Variants in SFXN5 observed in about 807,000 individuals in gnomAD.
The protein encoded by SFXN5 is sideroflexin-5.
A neutral mutation model predicts 50.2 loss-of-function variants in SFXN5; 43 were observed. The ratio of observed to expected loss-of-function variants is 0.86; its 90% confidence interval spans 0.67 to 1.11. The LOEUF (loss-of-function observed/expected upper bound fraction) is 1.11. Ranked by LOEUF, SFXN5 falls within the 50% of genes least tolerant of loss-of-function variation. The probability of loss-of-function intolerance (pLI) is 0.00; values close to 1 mark genes in which losing one functional copy is unlikely to be tolerated. For missense variants in SFXN5, 463 were observed against 454.1 expected, an observed-to-expected ratio of 1.02 and a Z score of -0.18; for synonymous variants, 203 against 185.8, an observed-to-expected ratio of 1.09 and a Z score of -0.75.
intron 3 of SFXN5, among the ~76,000 whole-genome samples, chr2:73,040,310 A>T (rs1574200087): frequency 6.6e-6 from 1 of 152,222 alleles, no homozygotes; most frequent in Admixed American, 6.5e-5. Flanking sequence ...ACCACCTTCA[A>T]CATTTCAGGT....
At chr2:73,056,838 A>T (rs574573784) in intron 2 of SFXN5, among the ~76,000 whole-genome samples, 2 of 152,358 alleles carry the variant, frequency 1.3e-5, no homozygotes, top group East Asian at 3.9e-4. Context: ...TGGAAATGTA[A>T]AATGTACAAC....
chr2:72,996,636 G>A (rs1673284180), intron 9 of SFXN5: 4 of 151,946 alleles, frequency 2.6e-5, no homozygotes, highest in African/African-American at 4.8e-5. Context: ...AGCCTCCCAG[G>A]TAGCTGGGAC....
chr2:73,033,968 G>A (rs1678637161), intron 3 of SFXN5, among the ~76,000 whole-genome samples: 1 of 152,144 alleles, frequency 6.6e-6, no homozygotes, highest in Admixed American at 6.6e-5. Flanking sequence ...AGAATAATCT[G>A]GCTCCAAATG....
At chr2:73,033,641 C>G (rs1232232307) in intron 3 of SFXN5, among the ~76,000 whole-genome samples, 1 of 152,164 alleles carries the variant, frequency 6.6e-6, no homozygotes, top group Non-Finnish European at 1.5e-5. Context: ...GTTTGAGAGA[C>G]AGCAAGGAGA....
intron 6 of SFXN5, among the ~76,000 whole-genome samples, chr2:73,013,917 G>A (rs965615391): frequency 1.3e-5 from 2 of 151,988 alleles, no homozygotes; most frequent in African/African-American, 4.8e-5. Flanking sequence ...TTGTTCCCAT[G>A]GATGTTTTTA....
chr2:73,024,444 C>T (rs1478649316), intron 3 of SFXN5, among the ~76,000 whole-genome samples: 1 of 152,134 alleles, frequency 6.6e-6, no homozygotes, highest in Non-Finnish European at 1.5e-5. Context: ...ATTGCTGAGC[C>T]CAGGATCAGT....
chr2:73,008,898 G>A (rs1265181080), intron 6 of SFXN5, among the ~76,000 whole-genome samples: 1 of 152,178 alleles, frequency 6.6e-6, no homozygotes, highest in African/African-American at 2.4e-5. Context: ...CAGCCTCTGG[G>A]AGAAAACCAG....
chr2:73,037,511 G>A (rs1415381416), intron 3 of SFXN5, among the ~76,000 whole-genome samples: 1 of 152,186 alleles, frequency 6.6e-6, no homozygotes. Context: ...CAGAGCTGAA[G>A]ACAGGAGTCT....
intron 5 of SFXN5, among the ~76,000 whole-genome samples, chr2:73,021,797 TCA>T: frequency 6.6e-6 from 1 of 152,144 alleles, no homozygotes; most frequent in Non-Finnish European, 1.5e-5. Flanking sequence ...GAAGGAGGCG[TCA>T]GCACACCCAT....
chr2:73,047,238 A>AC (rs1680485524), intron 2 of SFXN5, among the ~76,000 whole-genome samples: 1 of 62,650 alleles, frequency 1.6e-5, no homozygotes, highest in African/African-American at 7.8e-5. Context: ...AAAAAAAAAA[A>AC]AAAAAAAATA....
Position 72,942,669 on chromosome 2 carries a change from C to T in SFXN5, c.*2353G>A, listed in dbSNP as rs977408271. On this transcript the variant is annotated 3_prime_UTR_variant, in exon 14 of 14. Coordinates refer to ENST00000272433, the MANE Select transcript of SFXN5 (RefSeq NM_144579.3). Reference sequence around the variant, plus strand: ...CCTAGTGGCATAGCCCACTGTCCCTCTGTCACCCTCACCCTAGGCTATCTG... The same window carrying T: ...CCTAGTGGCATAGCCCACTGTCCCTTTGTCACCCTCACCCTAGGCTATCTG... 46 of 152,370 alleles carry T rather than the reference C, an allele frequency of 3.0e-4. No individual in the cohort carries two copies. Among genetic ancestry groups the T allele is most frequent in the African/African-American group, 1.1e-3 (44 of 41,468 alleles). The allele number at this position is 152,370 out of a possible 1,614,324, so 9.4% of individuals were successfully genotyped here.
At chr2:72,984,239 G>A (rs1369108099) in intron 10 of SFXN5, among the ~76,000 whole-genome samples, 9 of 152,250 alleles carry the variant, frequency 5.9e-5, no homozygotes, top group Admixed American at 5.9e-4. Flanking sequence ...GACACAGCAT[G>A]GCCCTGAAAC....
At chr2:72,991,193 C>T (rs772394931) in intron 9 of SFXN5, among the ~76,000 whole-genome samples, 3 of 152,194 alleles carry the variant, frequency 2.0e-5, no homozygotes, top group Non-Finnish European at 2.9e-5. Context: ...CCTCCCTGGT[C>T]GGCCATTCTT....
intron 2 of SFXN5, among the ~76,000 whole-genome samples, chr2:73,047,648 G>A (rs971414676): frequency 9.9e-5 from 15 of 151,982 alleles, no homozygotes; most frequent in South Asian, 4.2e-4. Flanking sequence ...CTTGCCTGCC[G>A]CCATGTAAGA....
intron 3 of SFXN5, among the ~76,000 whole-genome samples, chr2:73,028,314 C>A (rs1393448831): frequency 6.6e-6 from 1 of 152,198 alleles, no homozygotes; most frequent in Non-Finnish European, 1.5e-5. Flanking sequence ...GGCCCGGACC[C>A]TCAGCTCACA....
At chr2:72,964,441 C>T (rs1674135070) in intron 12 of SFXN5, among the ~76,000 whole-genome samples, 1 of 152,230 alleles carries the variant, frequency 6.6e-6, no homozygotes, top group Admixed American at 6.5e-5. Context: ...AAAGCCCCAA[C>T]AAACAAGGTG....
chr2:73,071,267 G>A (rs1683580523), intron 1 of SFXN5: 1 of 304,572 alleles, frequency 3.3e-6, no homozygotes, highest in Non-Finnish European at 6.1e-6. Flanking sequence ...ACAACCCGGA[G>A]CGACCCTGAG....
chr2:72,957,436 G>A (rs773315128), intron 13 of SFXN5, among the ~76,000 whole-genome samples: 11 of 152,234 alleles, frequency 7.2e-5, no homozygotes, highest in Non-Finnish European at 1.2e-4. Context: ...AAGGATTGAA[G>A]TCCTTGCCTC....
chr2:72,977,185 C>T (rs1670721655), intron 10 of SFXN5, among the ~76,000 whole-genome samples: 1 of 152,164 alleles, frequency 6.6e-6, no homozygotes, highest in Non-Finnish European at 1.5e-5. Flanking sequence ...TTCCACAAGC[C>T]TGAGATGAAG....
Sources: allele counts gnomAD v4.1 joint callset (sites outside exome capture counted in the v4.1 genomes callset), GRCh38; gene constraint gnomAD v4.1.1; transcripts MANE v1.5; gene names NCBI Gene and HGNC (gene_info 2026-07-23, HGNC 2026-07-21).